Variants in PRKDC observed in about 807,000 individuals in gnomAD.
PRKDC encodes DNA-dependent protein kinase catalytic subunit.
PRKDC carries 82 observed loss-of-function variants against 486.9 expected under a neutral mutation model. The ratio of observed to expected loss-of-function variants is 0.17; its 90% CI spans 0.14 to 0.20. The LOEUF (loss-of-function observed/expected upper bound fraction) is 0.20. Ranked by LOEUF, PRKDC falls within the 10% of genes least tolerant of loss-of-function variation. PRKDC has a pLI of 1.00. For missense variants in PRKDC, 4,504 were observed against 5,038.2 expected, an observed-to-expected ratio of 0.89 and a Z score of 3.21; for synonymous variants, 1,895 against 1,837.0, an observed-to-expected ratio of 1.03 and a Z score of -0.81.
chr8:47,934,226 G>A (rs1004322619), intron 14 of PRKDC, 136 bp from the exon 15 acceptor site: 31 of 1,066,682 alleles, frequency 2.9e-5, no homozygotes, highest in Admixed American at 5.5e-5. Flanking sequence ...GGAAGACATC[G>A]TATTAAAAAA....
chr8:47,878,402 G>T (rs947420192), intron 39 of PRKDC, among the ~76,000 whole-genome samples: 2 of 152,142 alleles, frequency 1.3e-5, no homozygotes, highest in Non-Finnish European at 2.9e-5. Context: ...ACTGTACCTA[G>T]CCCCTATTCT....
At chr8:47,804,296 CT>C (rs767946033) in intron 69 of PRKDC, among the ~76,000 whole-genome samples, 750 of 135,924 alleles carry the variant, frequency 5.5e-3, no homozygotes, top group Non-Finnish European at 7.1e-3. Context: ...GGACATGCCA[CT>C]TTTTTTTTTT....
At chr8:47,881,701 A>G (rs2089222240) in intron 37 of PRKDC, among the ~76,000 whole-genome samples, 181 bp from the exon 38 acceptor site, 1 of 152,268 alleles carries the variant, frequency 6.6e-6, no homozygotes, top group Non-Finnish European at 1.5e-5. Context: ...ATACATGCAA[A>G]GGTACTTTAA....
chr8:47,890,844 T>C (rs756990196), intron 31 of PRKDC, among the ~76,000 whole-genome samples: 1 of 152,248 alleles, frequency 6.6e-6, no homozygotes, highest in African/African-American at 2.4e-5. Context: ...AATTTTAACC[T>C]AATGAAATGA....
chr8:47,839,910 G>A, intron 55 of PRKDC, 106 bp downstream of exon 55: 1 of 850,284 alleles, frequency 1.2e-6, no homozygotes, highest in Non-Finnish European at 1.7e-6. Context: ...GGAGGAGGTT[G>A]AGACTGCAGT....
At chr8:47,868,637 C>G (rs562815240) in intron 40 of PRKDC, among the ~76,000 whole-genome samples, 10 of 152,226 alleles carry the variant, frequency 6.6e-5, no homozygotes, top group African/African-American at 2.4e-4. Context: ...ATAGAAGCCT[C>G]CAGTGATTGT....
rs2088352102 is a variant in PRKDC at position 47,849,399 on chromosome 8, G to A, written c.7110C>T (p.Ser2370=). 3.7e-6 allele frequency: 6 copies of A among 1,614,058 alleles called. No homozygotes were observed. Among genetic ancestry groups the A allele is most frequent in the Non-Finnish European group, 4.2e-6 (5 of 1,179,908 alleles). The stretch of plus-strand genomic sequence containing the variant: ...CATACCTGTCTGCAAGAGGAGGGAA[G>A]CTCTTGGTCACTTTGTTCAAGCACA... The part of the protein sequence containing the change: ...FIVCLNKVTK[S]FPPLADRFMN... Residue 2370 remains serine (S), a synonymous_variant, in exon 53 of 86, where the codon AGC becomes AGT. Coordinates refer to ENST00000314191, the MANE Select transcript of PRKDC (RefSeq NM_006904.7).
intron 27 of PRKDC, 146 bp downstream of exon 27, chr8:47,902,423 C>T (rs2089703547): frequency 3.5e-6 from 2 of 568,194 alleles, no homozygotes; most frequent in Admixed American, 4.0e-5. Context: ...TTTTAATTCA[C>T]TTTTTAATTT....
intron 36 of PRKDC, among the ~76,000 whole-genome samples, chr8:47,883,297 T>A (rs1443097142): frequency 6.6e-6 from 1 of 152,222 alleles, no homozygotes; most frequent in East Asian, 1.9e-4. Flanking sequence ...AATTTCTAGA[T>A]CCTTTCACAC....
intron 20 of PRKDC, 119 bp downstream of exon 20, chr8:47,927,652 C>A: frequency 7.8e-7 from 1 of 1,285,876 alleles, no homozygotes; most frequent in Non-Finnish European, 1.0e-6. Flanking sequence ...AGACCCTGAC[C>A]CGGGCACGCC....
Position 47,828,221 on chromosome 8 carries a change from G to A in PRKDC, c.8524C>T (p.Arg2842Cys), listed in dbSNP as rs2087781160. The change falls in exon 62 of 86, where the codon CGT becomes TGT. Residue 2842 changes from arginine to cysteine, a missense_variant. Around this residue, in one of 6 missense-constraint regions of PRKDC, gnomAD observed 1,592 missense variants for 1,724.6 expected, o/e 0.92. Coordinates refer to ENST00000314191, the MANE Select transcript of PRKDC (RefSeq NM_006904.7). ...ITQKLLQDFNRFLNTTFSFFP... is the reference protein window; with the variant it reads ...ITQKLLQDFNCFLNTTFSFFP... ...AAAGAGAAGGTGGTATTAAGAAAACGATTGAAGTCTTGAAGCAACTTTTGA... is the reference window on the plus strand; with the variant it reads ...AAAGAGAAGGTGGTATTAAGAAAACAATTGAAGTCTTGAAGCAACTTTTGA... 3.1e-6 allele frequency: 5 copies of A among 1,613,724 alleles called. No homozygotes were observed. The highest frequency in any genetic ancestry group is 4.2e-6 in the Non-Finnish European group (5 of 1,179,740).
intron 54 of PRKDC, among the ~76,000 whole-genome samples, chr8:47,845,890 T>A (rs1295334370): frequency 6.6e-6 from 1 of 152,020 alleles, no homozygotes; most frequent in African/African-American, 2.4e-5. Context: ...AAAGAAAACG[T>A]CAGGCCAAAT....
chr8:47,889,914 T>TAA (rs1327622798), intron 32 of PRKDC, among the ~76,000 whole-genome samples: 2 of 152,082 alleles, frequency 1.3e-5, no homozygotes, highest in African/African-American at 4.8e-5. Flanking sequence ...AGGTAACAGA[T>TAA]ACGTTAATTA....
chr8:47,830,856 G>C, intron 60 of PRKDC, 120 bp from the exon 61 acceptor site: 3 of 1,186,918 alleles, frequency 2.5e-6, no homozygotes, highest in Non-Finnish European at 3.7e-6. Flanking sequence ...GGGAACTGAT[G>C]CTCGCAGAGG....
At position 47,826,843 on chromosome 8, in the gene PRKDC, C is replaced by T. The variant is rs1475327874; in HGVS notation, c.8596G>A (p.Ala2866Thr). The change falls in exon 63 of 86, where the codon GCA (alanine) becomes ACA (threonine). Residue 2866 changes from alanine to threonine, a missense_variant. Physicochemically the swap from Ala to Thr is moderately conservative, Grantham distance 58. Transcript: ENST00000314191. ...GCTGGGTCGAGGCTCAGCAGGGCTG[C>T]GTGCTGACAGCTAATGTCCTGTGAA... The part of the protein sequence containing the change: ...SCIQDISCQH[A>T]ALLSLDPAAV... 4.4e-6 allele frequency: 7 copies of T among 1,587,964 alleles called. No individual in the cohort carries two copies. The highest frequency in any genetic ancestry group is 1.3e-5 in the African/African-American group (1 of 74,614).
chr8:47,955,461 CAAAAAAAAAAAAAAA>C lies in PRKDC; in HGVS notation c.399+398_399+412del, dbSNP rs746883720. 2.4e-3 allele frequency among the ~76,000 whole-genome samples: 45 copies of C among 18,524 alleles called. 1 individual carries two copies. The South Asian group carries it at 0.045, about 19-fold the overall frequency. The allele number at this position is 18,524 out of a possible 152,430, so 12.2% of individuals were successfully genotyped here. On this transcript the variant is annotated intron_variant, in intron 4 of 85. Transcript: ENST00000314191. ...TGGGCGACAGAGCGAGACTCCGTCT[CAAAAAAAAAAAAAAA>C]AAAAAAAAAAAGAAAACATATGAAC... is the stretch of plus-strand genomic sequence containing the variant.
chr8:47,856,766 G>C (rs958403961), intron 49 of PRKDC, among the ~76,000 whole-genome samples: 8 of 152,216 alleles, frequency 5.3e-5, no homozygotes, highest in Admixed American at 2.0e-4. Flanking sequence ...TCTGGGAGTA[G>C]AGAAGATGGC....
rs2087845626 is a variant in PRKDC at position 47,830,680 on chromosome 8, G to A, written c.8322C>T (p.Ser2774=). The A allele has an allele frequency of 6.2e-7, 1 of 1,613,960 alleles. No individual in the cohort carries two copies. Among genetic ancestry groups the A allele is most frequent in the East Asian group, 2.2e-5 (1 of 44,870 alleles). ...TGTCAGGAAGGTCTCCGTGCCGGTA[G>A]CTTCTGTACAGAACGACCTGGGCAT... ...KQDAQVVLYR[S]YRHGDLPDIQ... is the part of the protein sequence containing the mutation. Residue 2774 remains serine, a synonymous_variant, in exon 61 of 86, where the codon AGC becomes AGT. Coordinates refer to ENST00000314191, the MANE Select transcript of PRKDC (RefSeq NM_006904.7).
intron 16 of PRKDC, 144 bp from the exon 17 acceptor site, chr8:47,930,931 A>G: frequency 1.3e-6 from 1 of 745,808 alleles, no homozygotes; most frequent in African/African-American, 1.8e-5. Flanking sequence ...TGGGTGCTCA[A>G]GACCTATGGT....
Sources: allele counts gnomAD v4.1 joint callset (sites outside exome capture counted in the v4.1 genomes callset), GRCh38; gene constraint gnomAD v4.1.1; regional missense constraint gnomAD v4.1.1; transcripts MANE v1.5; gene names NCBI Gene and HGNC (gene_info 2026-07-23, HGNC 2026-07-21).